The following PRKG1 variants were observed in gnomAD, a reference collection of about 807,000 sequenced individuals.
PRKG1 encodes cGMP-dependent protein kinase 1.
Under a neutral mutation model 88.1 loss-of-function variants are expected in PRKG1, and 35 were observed. That is an observed-to-expected ratio of 0.40 (90% CI 0.30 to 0.53). The LOEUF (loss-of-function observed/expected upper bound fraction) is 0.53. Among genes scored for constraint, PRKG1 ranks in the 20% least tolerant of loss-of-function variants. The pLI is 0.59. For synonymous variants in PRKG1, 303 were observed against 292.5 expected, an observed-to-expected ratio of 1.04 and a Z score of -0.37; for missense variants, 540 against 839.8, an observed-to-expected ratio of 0.64 and a Z score of 4.41.
At chr10:51,963,496 G>C (rs1383786278) in intron 5 of PRKG1, among the ~76,000 whole-genome samples, 2 of 151,912 alleles carry the variant, frequency 1.3e-5, no homozygotes, top group African/African-American at 4.8e-5. Flanking sequence ...GTCTTGCTCT[G>C]TCACCCAGGC....
intron 7 of PRKG1, among the ~76,000 whole-genome samples, chr10:52,124,109 A>G (rs111563292): frequency 4.6e-5 from 7 of 152,336 alleles, no homozygotes; most frequent in African/African-American, 1.7e-4. Context: ...GGGAGGGGTT[A>G]AGTCCATGGT....
intron 4 of PRKG1, among the ~76,000 whole-genome samples, chr10:51,876,223 T>TAC (rs3029926): frequency 0.35 from 52,477 of 150,118 alleles, 10,224 homozygotes; most frequent in African/African-American, 0.51. Context: ...ATATTTGTGT[T>TAC]ACACACACAC....
At chr10:52,223,754 C>T (rs1158359117) in intron 9 of PRKG1, among the ~76,000 whole-genome samples, 2 of 152,170 alleles carry the variant, frequency 1.3e-5, no homozygotes, top group Non-Finnish European at 2.9e-5. Flanking sequence ...GCCTGTTCCT[C>T]TTACAATTTT....
At chr10:51,593,705 G>C (rs1414755620) in intron 3 of PRKG1, among the ~76,000 whole-genome samples, 1 of 151,538 alleles carries the variant, frequency 6.6e-6, no homozygotes, top group South Asian at 2.1e-4. Context: ...TACTAGAAAA[G>C]TATGGCACCA....
chr10:52,019,239 G>A (rs1845120656), intron 5 of PRKG1, among the ~76,000 whole-genome samples: 1 of 152,144 alleles, frequency 6.6e-6, no homozygotes. Context: ...CTCCCATTAT[G>A]CTGAATTTTC....
chr10:52,187,628 G>T (rs1839231518), intron 9 of PRKG1, among the ~76,000 whole-genome samples: 2 of 152,132 alleles, frequency 1.3e-5, no homozygotes, highest in Admixed American at 1.3e-4. Context: ...AAAATAAAGG[G>T]CATGACATTC....
chr10:51,441,786 T>C (rs1375081325), intron 2 of PRKG1, among the ~76,000 whole-genome samples: 1 of 152,048 alleles, frequency 6.6e-6, no homozygotes, highest in African/African-American at 2.4e-5. Flanking sequence ...TTGATGACTC[T>C]AAAGGAATTG....
chr10:52,246,606 G>T (rs1196291772), intron 9 of PRKG1, among the ~76,000 whole-genome samples: 1 of 152,070 alleles, frequency 6.6e-6, no homozygotes, highest in Non-Finnish European at 1.5e-5. Context: ...GCCAGTTGTG[G>T]TGGCTCATGC....
chr10:51,669,167 T>C (rs1212132106), intron 3 of PRKG1, among the ~76,000 whole-genome samples: 1 of 152,244 alleles, frequency 6.6e-6, no homozygotes, highest in Admixed American at 6.5e-5. Flanking sequence ...TAACAAAATA[T>C]CATAGACTGG....
intron 3 of PRKG1, among the ~76,000 whole-genome samples, chr10:51,585,369 A>C (rs999626571): frequency 2.0e-5 from 3 of 152,174 alleles, no homozygotes; most frequent in Non-Finnish European, 4.4e-5. Context: ...ACAATATTGC[A>C]GTAAGAATAT....
chr10:52,142,301 T>C (rs1837601546), intron 8 of PRKG1, among the ~76,000 whole-genome samples: 2 of 152,166 alleles, frequency 1.3e-5, no homozygotes, highest in South Asian at 4.1e-4. Context: ...AGAAAACTCA[T>C]ACATTTATTA....
chr10:51,123,864 C>T (rs937760886), intron 1 of PRKG1, among the ~76,000 whole-genome samples: 1 of 152,012 alleles, frequency 6.6e-6, no homozygotes, highest in African/African-American at 2.4e-5. Context: ...GCAGGCACTT[C>T]ACGTGGTGAA....
chr10:52,110,981 A>T (rs1361113048), intron 7 of PRKG1, among the ~76,000 whole-genome samples: 1 of 152,224 alleles, frequency 6.6e-6, no homozygotes, highest in Non-Finnish European at 1.5e-5. Context: ...ACCAATGCCA[A>T]ATACCAGAGT....
At chr10:51,203,271 G>T (rs1213812817) in intron 2 of PRKG1, among the ~76,000 whole-genome samples, 3 of 152,116 alleles carry the variant, frequency 2.0e-5, no homozygotes, top group African/African-American at 7.2e-5. Context: ...CAATTTAATG[G>T]CAGGAATGAT....
chr10:51,300,226 A>C (rs1479730627), intron 2 of PRKG1, among the ~76,000 whole-genome samples: 2 of 152,210 alleles, frequency 1.3e-5, no homozygotes, highest in Admixed American at 6.5e-5. Context: ...GTGTTGGTGA[A>C]TGAGGCACTG....
intron 7 of PRKG1, among the ~76,000 whole-genome samples, chr10:52,116,003 A>G (rs2132600175): frequency 6.6e-6 from 1 of 152,246 alleles, no homozygotes. Flanking sequence ...CAATATAGAC[A>G]GGAAGTATTT....
chr10:51,604,864 C>CTGTG (rs1838717063), intron 3 of PRKG1, among the ~76,000 whole-genome samples: 1 of 152,184 alleles, frequency 6.6e-6, no homozygotes, highest in South Asian at 2.1e-4. Context: ...CTGCAGATGC[C>CTGTG]TGTGTTAGTC....
At chr10:51,016,058 A>C (rs867763255) in intron 1 of PRKG1, among the ~76,000 whole-genome samples, 1 of 152,224 alleles carries the variant, frequency 6.6e-6, no homozygotes, top group Admixed American at 6.5e-5. Context: ...TCTGAGTGAT[A>C]CATTCTGCAT....
chr10:51,970,103 A>G lies in PRKG1; in HGVS notation c.762+62533A>G, dbSNP rs188741461. On this transcript the variant is annotated intron_variant, in intron 5 of 17. Transcript: ENST00000373980. ...AATTCCCTGAACCATTATGTTATATATATCATGGCCCTTGACCTCAAAATA... is the reference window on the plus strand; with the variant it reads ...AATTCCCTGAACCATTATGTTATATGTATCATGGCCCTTGACCTCAAAATA... 2.0e-5 allele frequency among the ~76,000 whole-genome samples: 3 copies of G among 151,840 alleles called. No individual in the cohort carries two copies. The East Asian group carries it at 5.8e-4, about 29-fold the overall frequency.
Sources: allele counts gnomAD v4.1 joint callset (sites outside exome capture counted in the v4.1 genomes callset), GRCh38; gene constraint gnomAD v4.1.1; transcripts MANE v1.5; gene names NCBI Gene and HGNC (gene_info 2026-07-23, HGNC 2026-07-21).